The following THSD7A variants were observed in gnomAD, a reference collection of about 807,000 sequenced individuals.
THSD7A encodes thrombospondin type-1 domain-containing protein 7A.
A neutral mutation model predicts 231.3 loss-of-function variants in THSD7A; 96 were observed. That is an observed-to-expected ratio of 0.41 (90% CI 0.35 to 0.49). The LOEUF is 0.49. Among genes scored for constraint, THSD7A ranks in the 20% least tolerant of loss-of-function variants. The pLI is 0.05. For synonymous variants in THSD7A, 940 were observed against 743.3 expected (o/e 1.26, Z -4.30); for missense variants, 2,290 against 2,070.2 (o/e 1.11, Z -2.06).
intron 6 of THSD7A, among the ~76,000 whole-genome samples, chr7:11,539,926 C>T (rs576979170): frequency 3.9e-5 from 6 of 152,230 alleles, no homozygotes; most frequent in African/African-American, 7.2e-5. Flanking sequence ...CTGAGAAAAA[C>T]GATCAAGTAC....
chr7:11,654,909 C>T (rs937378057), intron 1 of THSD7A, among the ~76,000 whole-genome samples: 3 of 151,720 alleles, frequency 2.0e-5, no homozygotes, highest in African/African-American at 7.3e-5. Context: ...GGCAAATGTT[C>T]GATAAGGAAT....
In THSD7A at chr7:11,406,777, A is replaced by G. The variant is rs1390619351; in HGVS notation, c.4062+133T>C. 57 of 1,145,518 alleles carry G rather than the reference A, an allele frequency of 5.0e-5. No individual in the cohort carries two copies. Among genetic ancestry groups the G allele is most frequent in the Non-Finnish European group, 6.6e-5 (55 of 831,500 alleles). The allele number at this position is 1,145,518 out of a possible 1,614,324, so 71.0% of individuals were successfully genotyped here. A position where few individuals can be genotyped will look rare whatever the true frequency, so the allele number is the denominator to read the frequency against. On this transcript the variant is annotated intron_variant, in intron 21 of 27. Transcript: ENST00000423059. This position sits in a 1 kb window ranked among gnomAD's most constrained non-coding sequence, Gnocchi z 4.7. ...TAAATGGTTATAAAATGGCAAGTAC[A>G]TACAAATTTTAAGAAGCTTGTCATC...
chr7:11,568,993 A>AAAAAAC (rs1451635194), intron 4 of THSD7A, among the ~76,000 whole-genome samples: 4,726 of 151,308 alleles, frequency 0.031, 253 homozygotes, highest in African/African-American at 0.11. Context: ...CTACAAAAAA[A>AAAAAAC]AAAACAAACC....
chr7:11,398,957 C>A (rs189959256), intron 23 of THSD7A, among the ~76,000 whole-genome samples: 1 of 152,146 alleles, frequency 6.6e-6, no homozygotes, highest in Admixed American at 6.5e-5. Context: ...CCTCACATCC[C>A]GTTGTTTACT....
chr7:11,803,784 C>T (rs1431402219), intron 1 of THSD7A, among the ~76,000 whole-genome samples: 2 of 152,088 alleles, frequency 1.3e-5, no homozygotes, highest in Non-Finnish European at 2.9e-5. Context: ...ATGTCAGGTC[C>T]ATTCCAAGAC....
chr7:11,660,866 G>C (rs1782900829), intron 1 of THSD7A, among the ~76,000 whole-genome samples: 1 of 151,440 alleles, frequency 6.6e-6, no homozygotes, highest in Non-Finnish European at 1.5e-5. Flanking sequence ...AATTAGAAAA[G>C]CTGGAGAAAT....
intron 6 of THSD7A, among the ~76,000 whole-genome samples, chr7:11,538,408 G>A (rs980385665): frequency 6.6e-6 from 1 of 152,098 alleles, no homozygotes; most frequent in Admixed American, 6.6e-5. Flanking sequence ...TCTCAAGTAA[G>A]GAATAATACT....
chr7:11,534,093 C>A (rs1464584617), intron 6 of THSD7A, among the ~76,000 whole-genome samples: 1 of 152,134 alleles, frequency 6.6e-6, no homozygotes, highest in Non-Finnish European at 1.5e-5. Context: ...AGATGCAAAT[C>A]ATGAGATAGT....
chr7:11,675,039 G>A (rs949458312), intron 1 of THSD7A, among the ~76,000 whole-genome samples: 1 of 152,134 alleles, frequency 6.6e-6, no homozygotes, highest in Non-Finnish European at 1.5e-5. Flanking sequence ...CGGAAGGTGG[G>A]TGATTTCTGC....
chr7:11,437,481 T>C (rs1469684049), intron 13 of THSD7A, among the ~76,000 whole-genome samples: 3 of 152,090 alleles, frequency 2.0e-5, no homozygotes, highest in African/African-American at 7.2e-5. Flanking sequence ...CCTCATCCCC[T>C]GCCTCTCTTT....
At chr7:11,749,782 G>A (rs1583255131) in intron 1 of THSD7A, among the ~76,000 whole-genome samples, 1 of 151,960 alleles carries the variant, frequency 6.6e-6, no homozygotes, top group South Asian at 2.1e-4. Flanking sequence ...ATTTTGATGA[G>A]TAATGAATGC....
At chr7:11,677,777 A>G (rs1168970858) in intron 1 of THSD7A, among the ~76,000 whole-genome samples, 1 of 152,024 alleles carries the variant, frequency 6.6e-6, no homozygotes, top group East Asian at 1.9e-4. Context: ...TCAGTATTAG[A>G]CAGATCAACG....
intron 4 of THSD7A, among the ~76,000 whole-genome samples, chr7:11,549,058 A>G (rs1352215572): frequency 6.6e-6 from 1 of 152,162 alleles, no homozygotes; most frequent in South Asian, 2.1e-4. Flanking sequence ...TTTAAAAGAA[A>G]AAAAACCCCA....
intron 6 of THSD7A, among the ~76,000 whole-genome samples, chr7:11,530,281 G>T (rs1043739845): frequency 6.6e-6 from 1 of 152,140 alleles, no homozygotes; most frequent in African/African-American, 2.4e-5. Flanking sequence ...TGTTAATAGG[G>T]TGTGCAATTT....
intron 4 of THSD7A, among the ~76,000 whole-genome samples, chr7:11,549,657 C>A (rs973668955): frequency 6.6e-6 from 1 of 152,108 alleles, no homozygotes; most frequent in Non-Finnish European, 1.5e-5. Flanking sequence ...AGCCATTATT[C>A]TCAGCAAACT....
intron 2 of THSD7A, among the ~76,000 whole-genome samples, chr7:11,628,460 C>T (rs754216070): frequency 2.9e-4 from 44 of 152,178 alleles, no homozygotes; most frequent in Non-Finnish European, 2.5e-4. Flanking sequence ...TAATCCTTAA[C>T]GCTAGCAGCA....
chr7:11,598,286 T>C (rs1272364930), intron 2 of THSD7A, among the ~76,000 whole-genome samples: 2 of 152,224 alleles, frequency 1.3e-5, no homozygotes, highest in African/African-American at 4.8e-5. Flanking sequence ...TGAAACTCTC[T>C]GAGTGGTCAA....
At chr7:11,478,763 G>A (rs1786302563) in intron 7 of THSD7A, among the ~76,000 whole-genome samples, 1 of 151,948 alleles carries the variant, frequency 6.6e-6, no homozygotes, top group Non-Finnish European at 1.5e-5. Context: ...ACTGGATTGG[G>A]GCCATCGATA....
intron 6 of THSD7A, among the ~76,000 whole-genome samples, chr7:11,493,394 G>A (rs375131669): frequency 5.3e-5 from 8 of 152,046 alleles, no homozygotes; most frequent in Admixed American, 6.6e-5. Context: ...TAGCTCACAC[G>A]TTTCAAACCT....
Sources: allele counts gnomAD v4.1 joint callset (sites outside exome capture counted in the v4.1 genomes callset), GRCh38; gene constraint gnomAD v4.1.1; non-coding constraint Gnocchi (gnomAD v3.1); transcripts MANE v1.5; gene names NCBI Gene and HGNC (gene_info 2026-07-23, HGNC 2026-07-21).